The following TBXT variants were observed in gnomAD, a reference collection of about 807,000 sequenced individuals.
TBXT encodes T-box transcription factor T, also known as T brachyury transcription factor.
Under a neutral mutation model 41.1 loss-of-function variants are expected in TBXT, and 19 were observed. The observed-to-expected ratio is 0.46, with a 90% CI of 0.32 to 0.68. The LOEUF is 0.68. Ranked by LOEUF, TBXT falls within the 30% of genes least tolerant of loss-of-function variation. The pLI is 0.03. For missense variants in TBXT, 536 were observed against 582.0 expected, an observed-to-expected ratio of 0.92 and a Z score of 0.81; for synonymous variants, 213 against 238.9, an observed-to-expected ratio of 0.89 and a Z score of 1.00.
At position 166,167,827 on chromosome 6, in the gene TBXT, C is replaced by T. The variant is rs1779178204; in HGVS notation, c.-236G>A. 1.7e-6 allele frequency: 1 copy of T among 597,926 alleles called. No individual in the cohort carries two copies. Among genetic ancestry groups the T allele is most frequent in the Admixed American group, 3.0e-5 (1 of 33,732 alleles). 37.0% of individuals were successfully genotyped at this position (597,926 alleles called of 1,614,324 possible). On this transcript the variant is annotated 5_prime_UTR_variant, in exon 1 of 8. Coordinates refer to ENST00000366876, the MANE Select transcript of TBXT (RefSeq NM_001366285.2). ...GAGAAGTTATTCCACTTGAACTCCCCAAGGCTCTACTAGTGTAGGTCTCTG... is the reference window on the plus strand; with the variant it reads ...GAGAAGTTATTCCACTTGAACTCCCTAAGGCTCTACTAGTGTAGGTCTCTG...
chr6:166,166,920 C>T (rs949912099), intron 1 of TBXT, 64 bp from the exon 2 acceptor site: 15 of 1,609,160 alleles, frequency 9.3e-6, no homozygotes, highest in African/African-American at 1.3e-5. Flanking sequence ...GAGGCAGAAG[C>T]TGGGCACAGA....
At chr6:166,164,990 TAC>T (rs1407880822) in intron 3 of TBXT, 129 bp from the exon 4 acceptor site, 2 of 778,646 alleles carry the variant, frequency 2.6e-6, no homozygotes, top group East Asian at 2.6e-5. Flanking sequence ...TCTTTCCACA[TAC>T]AGTTTTCTAT....
At chr6:166,167,974 A>C (rs1180124634), upstream of TBXT, 1 of 320,834 alleles carries the variant, frequency 3.1e-6, no homozygotes, top group Non-Finnish European at 5.9e-6. Context: ...GAGAGCGGCC[A>C]TATCAGACCC....
chr6:166,161,097 G>A (rs993598863), intron 6 of TBXT, 131 bp from the exon 7 acceptor site: 1 of 1,225,532 alleles, frequency 8.2e-7, no homozygotes, highest in East Asian at 2.5e-5. Context: ...ATTAACTGTA[G>A]AAAACAATCC....
chr6:166,157,958 A>T lies in TBXT; in HGVS notation c.*357T>A. 2.6e-6 allele frequency: 1 copy of T among 377,488 alleles called. No individual in the cohort carries two copies. Among genetic ancestry groups the T allele is most frequent in the East Asian group, 5.9e-5 (1 of 16,898 alleles). The allele number at this position is 377,488 out of a possible 1,614,324, so 23.4% of individuals were successfully genotyped here. On this transcript the variant is annotated 3_prime_UTR_variant, in exon 8 of 8. Coordinates refer to ENST00000366876, the MANE Select transcript of TBXT (RefSeq NM_001366285.2). ...AAAGTAGGACTGGTGGAGTTTACAA[A>T]TTCTGGTGTGCCAAAGTTGCCAATA...
At chr6:166,159,791 T>C (rs1454840978) in intron 7 of TBXT, among the ~76,000 whole-genome samples, 2 of 152,240 alleles carry the variant, frequency 1.3e-5, no homozygotes, top group Non-Finnish European at 2.9e-5. Context: ...CTTCAGGTTC[T>C]AAGATGCCCA....
At chr6:166,164,453 C>A (rs553301232) in intron 5 of TBXT, 152 bp downstream of exon 5, 2 of 898,430 alleles carry the variant, frequency 2.2e-6, no homozygotes, top group South Asian at 2.7e-5. Flanking sequence ...GCTTCAACAT[C>A]ACAGGGCCAA....
Position 166,167,552 on chromosome 6 carries a change from G to T in TBXT, c.40C>A (p.Gln14Lys), listed in dbSNP as rs1395221812. ...CTCAGCAGGTGGTCCACTCGGTACT[G>T]CAGGCTCTTTCCCGCGCTCTCGGTG... Reference protein sequence around the residue: ...PGTESAGKSLQYRVDHLLSAV... With the variant: ...PGTESAGKSLKYRVDHLLSAV... The change falls in exon 1 of 8, where the codon CAG becomes AAG. Residue 14 changes from glutamine (Q) to lysine (K), a missense_variant. Physicochemically the swap from Gln to Lys is moderately conservative, Grantham distance 53. Coordinates refer to ENST00000366876, the MANE Select transcript of TBXT (RefSeq NM_001366285.2). The T allele has an allele frequency of 1.3e-6, 2 of 1,589,988 alleles. No homozygotes were observed. The highest frequency in any genetic ancestry group is 8.5e-7 in the Non-Finnish European group (1 of 1,173,394).
In TBXT at chr6:166,167,445, G is replaced by T. The variant is rs774559741; in HGVS notation, c.147C>A (p.Ser49Arg). ...ERELRVGLEE[S>R]ELWLRFKELT... ...GCTCCTTGAAGCGCAGCCACAGCTC[G>T]CTCTCCTCCAGGCCCACGCGCAGTT... The change falls in exon 1 of 8, where the codon AGC becomes AGA. Residue 49 changes from serine (S) to arginine (R), a missense_variant. By Grantham distance (110) the Ser-to-Arg change is moderately radical. Coordinates refer to ENST00000366876, the MANE Select transcript of TBXT (RefSeq NM_001366285.2). The T allele has an allele frequency of 1.2e-6, 2 of 1,613,060 alleles. No homozygotes were observed. The highest frequency in any genetic ancestry group is 1.7e-6 in the Non-Finnish European group (2 of 1,179,958).
Position 166,158,428 on chromosome 6 carries a change from G to C in TBXT, c.1198C>G (p.Pro400Ala). 1 of 1,614,178 alleles carries C rather than the reference G, an allele frequency of 6.2e-7. No individual in the cohort carries two copies. Among genetic ancestry groups the C allele is most frequent in the African/African-American group, 1.3e-5 (1 of 75,064 alleles). ...GCCGCGGCCGCCCCTTCGTACAGTG[G>C]GGATCCCGAGGAAGAGGGCGCCGAG... ...PVSAPSSSGS[P>A]LYEGAAAATD... Residue 400 changes from proline to alanine, a missense_variant, in exon 8 of 8, where the codon CCA becomes GCA. Transcript: ENST00000366876.
chr6:166,164,778 T>C, intron 4 of TBXT, 22 bp downstream of exon 4: 2 of 1,613,124 alleles, frequency 1.2e-6, no homozygotes, highest in Non-Finnish European at 8.5e-7. Flanking sequence ...CCCAAGGGTA[T>C]TTATAGTTAG....
Position 166,165,751 on chromosome 6 carries a change from G to A in TBXT, c.561C>T (p.Phe187=), listed in dbSNP as rs1562389499. The A allele has an allele frequency of 6.2e-7, 1 of 1,614,232 alleles. No individual in the cohort carries two copies. Among genetic ancestry groups the A allele is most frequent in the African/African-American group, 1.3e-5 (1 of 75,060 alleles). ...TCACCGCTATGAACTGGGTCTCAGG[G>A]AAGCAGTGGCTGGTGATCATGCGCT... ...GPQRMITSHC[F]PETQFIAVTA... The change falls in exon 3 of 8, where the codon TTC becomes TTT. Residue 187 remains phenylalanine, a synonymous_variant. Coordinates refer to ENST00000366876, the MANE Select transcript of TBXT (RefSeq NM_001366285.2).
chr6:166,158,387 G>A lies in TBXT; in HGVS notation c.1239C>T (p.Asp413=), dbSNP rs747076395. ...EGAAAATDIV[D]SQYDAAAQGR... Reference sequence around the variant, plus strand: ...CTTGGGCTGCGGCGTCGTACTGGCTGTCCACGATGTCTGTGGCCGCGGCCG... The same window carrying A: ...CTTGGGCTGCGGCGTCGTACTGGCTATCCACGATGTCTGTGGCCGCGGCCG... The change falls in exon 8 of 8, where the codon GAC becomes GAT. Residue 413 remains aspartate (D), a synonymous_variant. Transcript: ENST00000366876. 14 of 1,614,112 alleles carry A rather than the reference G, an allele frequency of 8.7e-6. No individual in the cohort carries two copies. The Admixed American group carries it at 2.0e-4, about 23-fold the overall frequency.
chr6:166,163,153 A>T (rs1296670359), intron 5 of TBXT, among the ~76,000 whole-genome samples: 1 of 152,176 alleles, frequency 6.6e-6, no homozygotes, highest in Admixed American at 6.5e-5. Flanking sequence ...ATGTAACCAC[A>T]GGCAGAGAGC....
At chr6:166,167,989 G>C (rs974764436), upstream of TBXT, 1 of 282,720 alleles carries the variant, frequency 3.5e-6, no homozygotes, top group Middle Eastern at 1.2e-3. Context: ...AGACCCAGCC[G>C]GGCGGGTCTG....
intron 7 of TBXT, among the ~76,000 whole-genome samples, chr6:166,159,716 C>T (rs1261257126): frequency 6.6e-6 from 1 of 152,212 alleles, no homozygotes; most frequent in Non-Finnish European, 1.5e-5. Context: ...TGTTGTATCA[C>T]CATACTGTTT....
intron 5 of TBXT, among the ~76,000 whole-genome samples, chr6:166,162,953 A>C (rs948125093): frequency 2.0e-5 from 3 of 152,204 alleles, no homozygotes; most frequent in Non-Finnish European, 4.4e-5. Context: ...CTCACAAGAC[A>C]TCTGAGGCCA....
intron 3 of TBXT, 103 bp from the exon 4 acceptor site, chr6:166,164,964 C>A: frequency 2.2e-6 from 2 of 907,060 alleles, no homozygotes; most frequent in South Asian, 1.5e-5. Context: ...TTTAAATATT[C>A]AAATATAATC....
intron 7 of TBXT, 98 bp from the exon 8 acceptor site, chr6:166,158,686 G>T: frequency 7.5e-7 from 1 of 1,334,776 alleles, no homozygotes; most frequent in Non-Finnish European, 9.9e-7. Flanking sequence ...GAGTGACTGT[G>T]TAATATGACA....
Sources: allele counts gnomAD v4.1 joint callset (sites outside exome capture counted in the v4.1 genomes callset), GRCh38; gene constraint gnomAD v4.1.1; transcripts MANE v1.5; gene names NCBI Gene and HGNC (gene_info 2026-07-23, HGNC 2026-07-21).